The following NKAIN2 variants were observed in gnomAD, a reference collection of about 807,000 sequenced individuals.
NKAIN2 encodes the protein sodium/potassium-transporting ATPase subunit beta-1-interacting protein 2.
NKAIN2 carries 14 observed loss-of-function variants against 32.6 expected under a neutral mutation model. That is an observed-to-expected ratio of 0.43 (90% CI 0.28 to 0.67). The LOEUF is 0.67. Ranked by LOEUF, NKAIN2 falls within the 30% of genes least tolerant of loss-of-function variation. The probability of loss-of-function intolerance (pLI) is 0.17; values close to 1 mark genes in which losing one functional copy is unlikely to be tolerated. For synonymous variants in NKAIN2, 80 were observed against 87.2 expected (o/e 0.92, Z 0.46); for missense variants, 198 against 258.3 (o/e 0.77, Z 1.60).
At chr6:124,481,252 A>C (rs1164692838) in intron 3 of NKAIN2, among the ~76,000 whole-genome samples, 3 of 151,914 alleles carry the variant, frequency 2.0e-5, no homozygotes, top group African/African-American at 4.8e-5. Context: ...CTAAGATAGG[A>C]AGAAAAAATA....
At chr6:124,675,829 T>G (rs1420989960) in intron 4 of NKAIN2, among the ~76,000 whole-genome samples, 1 of 152,018 alleles carries the variant, frequency 6.6e-6, no homozygotes, top group Admixed American at 6.6e-5. Context: ...CCATTCTCTA[T>G]CTCATTTAAT....
At chr6:124,213,481 G>A (rs1462616317) in intron 1 of NKAIN2, among the ~76,000 whole-genome samples, 1 of 151,532 alleles carries the variant, frequency 6.6e-6, no homozygotes, top group East Asian at 1.9e-4. Context: ...ATACCCACCA[G>A]AAAAAAAGAA....
intron 1 of NKAIN2, among the ~76,000 whole-genome samples, chr6:123,982,060 T>G (rs1778924982): frequency 6.6e-6 from 1 of 152,212 alleles, no homozygotes; most frequent in African/African-American, 2.4e-5. Context: ...AAAATATTAA[T>G]GCCATGTAAC....
chr6:124,076,356 G>A (rs965112713), intron 1 of NKAIN2, among the ~76,000 whole-genome samples: 1 of 152,182 alleles, frequency 6.6e-6, no homozygotes, highest in Non-Finnish European at 1.5e-5. Context: ...GAGAGAAACG[G>A]AAGAGGGAGT....
At chr6:124,432,699 A>T (rs1396507193) in intron 3 of NKAIN2, among the ~76,000 whole-genome samples, 1 of 152,164 alleles carries the variant, frequency 6.6e-6, no homozygotes, top group Non-Finnish European at 1.5e-5. Context: ...TAAAATGAGG[A>T]TGAAATAAAC....
intron 3 of NKAIN2, among the ~76,000 whole-genome samples, chr6:124,508,374 T>C (rs1778573258): frequency 6.6e-6 from 1 of 151,850 alleles, no homozygotes; most frequent in Non-Finnish European, 1.5e-5. Flanking sequence ...AGATGGAGTC[T>C]CGCTCTGTCA....
chr6:124,598,212 G>C (rs552508538), intron 3 of NKAIN2, among the ~76,000 whole-genome samples: 58 of 152,238 alleles, frequency 3.8e-4, no homozygotes, highest in African/African-American at 1.3e-3. Context: ...TGATTAGAAT[G>C]CCTCTATGTT....
chr6:124,374,134 A>G (rs1466767427), intron 3 of NKAIN2, among the ~76,000 whole-genome samples: 1 of 152,084 alleles, frequency 6.6e-6, no homozygotes, highest in Admixed American at 6.6e-5. Flanking sequence ...TAGGTAAGAA[A>G]AGGGACAGTG....
intron 3 of NKAIN2, among the ~76,000 whole-genome samples, chr6:124,440,233 T>C (rs1775632906): frequency 6.6e-6 from 1 of 152,036 alleles, no homozygotes; most frequent in Non-Finnish European, 1.5e-5. Flanking sequence ...CACACCACAG[T>C]ATCCGCTATA....
At chr6:124,172,527 A>G (rs1788947224) in intron 1 of NKAIN2, among the ~76,000 whole-genome samples, 1 of 152,184 alleles carries the variant, frequency 6.6e-6, no homozygotes, top group African/African-American at 2.4e-5. Context: ...AATACAGAAT[A>G]TTGACTGCAA....
intron 3 of NKAIN2, among the ~76,000 whole-genome samples, chr6:124,372,435 C>G (rs1433727955): frequency 6.6e-6 from 1 of 152,070 alleles, no homozygotes; most frequent in Non-Finnish European, 1.5e-5. Flanking sequence ...GAGCAGGCTG[C>G]CCTTCCCAGA....
rs186309168 is a variant in NKAIN2, at chr6:123,870,912, T to A, written c.54+66658T>A. 3.0e-3 allele frequency among the ~76,000 whole-genome samples: 461 copies of A among 152,290 alleles called. 3 individuals are homozygous for A. The highest frequency in any genetic ancestry group is 0.011 in the African/African-American group (443 of 41,570). ...TAGAGTGTATATATATGTCTTTTTT[T>A]AATATAATCTCCTCTCTACTCCCAT... On this transcript the variant is annotated intron_variant, in intron 1 of 6. Coordinates refer to ENST00000368417, the MANE Select transcript of NKAIN2 (RefSeq NM_001040214.3).
chr6:124,647,251 T>G (rs1784207819), intron 3 of NKAIN2, among the ~76,000 whole-genome samples: 1 of 151,596 alleles, frequency 6.6e-6, no homozygotes, highest in Non-Finnish European at 1.5e-5. Flanking sequence ...AATATTCTAT[T>G]AAAAATGACT....
Position 124,271,668 on chromosome 6 carries a change from A to AACAG in NKAIN2, c.55-11336_55-11333dup, listed in dbSNP as rs1232033880. On this transcript the variant is annotated intron_variant, in intron 1 of 6. Transcript: ENST00000368417. ...GAATTGGGTAACAGACAGAGGTTGG[A>AACAG]ACAGTTTAGAGGTCTTGTAAGAAGA... Among the ~76,000 whole-genome samples the AACAG allele has an allele frequency of 2.0e-5, 3 of 152,224 alleles. No individual in the cohort carries two copies. In the East Asian group the frequency reaches 5.8e-4, roughly 29 times the overall value.
At chr6:124,688,658 T>C (rs924829279) in intron 4 of NKAIN2, among the ~76,000 whole-genome samples, 4 of 152,090 alleles carry the variant, frequency 2.6e-5, no homozygotes, top group East Asian at 1.9e-4. Flanking sequence ...TTCTAACCTC[T>C]AGCAACTACT....
intron 1 of NKAIN2, among the ~76,000 whole-genome samples, chr6:124,082,765 T>C (rs1218053630): frequency 6.6e-6 from 1 of 152,048 alleles, no homozygotes; most frequent in East Asian, 1.9e-4. Context: ...ATGATATTTG[T>C]ATCCAAATAG....
intron 3 of NKAIN2, among the ~76,000 whole-genome samples, chr6:124,574,186 G>A (rs1010402258): frequency 6.6e-6 from 1 of 152,154 alleles, no homozygotes; most frequent in Non-Finnish European, 1.5e-5. Flanking sequence ...GAGCTTTTGA[G>A]GTTCTTCAAA....
intron 1 of NKAIN2, among the ~76,000 whole-genome samples, chr6:124,265,504 A>G (rs1039070565): frequency 1.3e-5 from 2 of 152,204 alleles, no homozygotes; most frequent in Non-Finnish European, 2.9e-5. Context: ...ATACACTGAA[A>G]CAAATAGCCT....
chr6:124,568,389 T>G (rs1322893201), intron 3 of NKAIN2, among the ~76,000 whole-genome samples: 3 of 152,200 alleles, frequency 2.0e-5, no homozygotes, highest in Admixed American at 6.5e-5. Context: ...ATAGAGAACA[T>G]GTACTCAGTT....
Sources: gnomAD v4.1 joint callset for allele counts (sites outside exome capture counted in the v4.1 genomes callset) on GRCh38, gnomAD v4.1.1 for gene constraint, MANE v1.5 for transcripts, NCBI Gene and HGNC (gene_info 2026-07-23, HGNC 2026-07-21) for gene names.